Variants in VTI1A observed in about 807,000 individuals in gnomAD.
VTI1A encodes vesicle transport through interaction with t-SNAREs homolog 1A.
Under a neutral mutation model 34.9 loss-of-function variants are expected in VTI1A, and 22 were observed. That is an observed-to-expected ratio of 0.63 (90% CI 0.45 to 0.90). The LOEUF is 0.90. VTI1A is among the 40% of genes least tolerant of loss of function. The pLI is 0.00. For synonymous variants in VTI1A, 87 were observed against 97.3 expected (o/e 0.89, Z 0.62); for missense variants, 268 against 275.6 (o/e 0.97, Z 0.20).
chr10:112,744,789 C>A (rs1262761591), intron 7 of VTI1A, among the ~76,000 whole-genome samples: 1 of 152,114 alleles, frequency 6.6e-6, no homozygotes, highest in Non-Finnish European at 1.5e-5. Flanking sequence ...GCATCGACAT[C>A]CCTCCCTGTC....
At chr10:112,534,087 A>G (rs1326864293) in intron 4 of VTI1A, among the ~76,000 whole-genome samples, 1 of 152,166 alleles carries the variant, frequency 6.6e-6, no homozygotes, top group Non-Finnish European at 1.5e-5. Flanking sequence ...ATACCTAAGA[A>G]TAGCCAAAGC....
intron 3 of VTI1A, among the ~76,000 whole-genome samples, chr10:112,517,119 G>A (rs1242115818): frequency 2.0e-5 from 3 of 152,036 alleles, no homozygotes; most frequent in Admixed American, 1.3e-4. Context: ...GATCGTGAGA[G>A]AAGTTACAAT....
chr10:112,693,967 G>C (rs1342804912), intron 7 of VTI1A, among the ~76,000 whole-genome samples: 1 of 152,176 alleles, frequency 6.6e-6, no homozygotes, highest in African/African-American at 2.4e-5. Context: ...CCAGCACTTT[G>C]GAAGGCCAAG....
chr10:112,731,337 G>C (rs1850249338), intron 7 of VTI1A, among the ~76,000 whole-genome samples: 2 of 152,150 alleles, frequency 1.3e-5, no homozygotes, highest in Non-Finnish European at 2.9e-5. Flanking sequence ...ACTTTGGGAG[G>C]CCAAGGCAGG....
chr10:112,609,601 G>T (rs984191435), intron 5 of VTI1A, among the ~76,000 whole-genome samples: 1 of 152,072 alleles, frequency 6.6e-6, no homozygotes, highest in Non-Finnish European at 1.5e-5. Context: ...CCTTATTTCT[G>T]CATAGAAGCC....
chr10:112,665,575 A>T (rs1221732742), intron 5 of VTI1A, among the ~76,000 whole-genome samples: 1 of 152,006 alleles, frequency 6.6e-6, no homozygotes, highest in East Asian at 1.9e-4. Context: ...AGGCAAGGAG[A>T]TTGTGGGAGT....
At chr10:112,593,320 C>T (rs988793452) in intron 5 of VTI1A, among the ~76,000 whole-genome samples, 4 of 152,176 alleles carry the variant, frequency 2.6e-5, no homozygotes, top group Non-Finnish European at 5.9e-5. Context: ...CTGTGAACAA[C>T]TGCTTTGTGT....
rs1853593374 is a variant in VTI1A, at chr10:112,818,728, C to G, written c.*3345C>G. The G allele has an allele frequency of 5.1e-6, 1 of 196,406 alleles. No individual in the cohort carries two copies. Among genetic ancestry groups the G allele is most frequent in the Admixed American group, 6.1e-5 (1 of 16,420 alleles). The allele number at this position is 196,406 out of a possible 1,614,324, so 12.2% of individuals were successfully genotyped here. A position where few individuals can be genotyped will look rare whatever the true frequency, so the allele number is the denominator to read the frequency against. On this transcript the variant is annotated 3_prime_UTR_variant, in exon 8 of 8. Transcript: ENST00000393077. Reference sequence around the variant, plus strand: ...ACGTTCATTAACAAATTGCATTAAACAACTGTTAAGGGCTAATGATTTGTT... The same window carrying G: ...ACGTTCATTAACAAATTGCATTAAAGAACTGTTAAGGGCTAATGATTTGTT...
rs531572638 is a variant in VTI1A, at chr10:112,543,077, T to C, written c.427+4747T>C. On this transcript the variant is annotated intron_variant, in intron 5 of 7. Coordinates refer to ENST00000393077, the MANE Select transcript of VTI1A (RefSeq NM_145206.4). ...CACATTTTCTTAATCCAGTCTATCATTGATGAACATTTGGGTTCGTTCCAA... is the reference window on the plus strand; with the variant it reads ...CACATTTTCTTAATCCAGTCTATCACTGATGAACATTTGGGTTCGTTCCAA... 3.9e-5 allele frequency among the ~76,000 whole-genome samples: 6 copies of C among 152,380 alleles called. No homozygotes were observed. The South Asian group carries it at 1.2e-3, about 32-fold the overall frequency.
intron 7 of VTI1A, chr10:112,737,487 T>A: frequency 9.5e-7 from 1 of 1,050,442 alleles, no homozygotes; most frequent in South Asian, 4.6e-5. Flanking sequence ...CTCTTCCGCA[T>A]CTTCTGTTCC....
At chr10:112,828,625 T>A in the VTI1A span, among the ~76,000 whole-genome samples, 3 of 151,902 alleles carry the variant, frequency 2.0e-5, no homozygotes, top group Non-Finnish European at 4.4e-5. Flanking sequence ...CAGGATGGTC[T>A]CGATCTCCTG....
the VTI1A span, among the ~76,000 whole-genome samples, chr10:112,851,539 A>G: frequency 3.3e-5 from 5 of 152,336 alleles, no homozygotes; most frequent in African/African-American, 9.6e-5. Flanking sequence ...CTGTTTGGGA[A>G]GTAAGGGGTG....
the VTI1A span, among the ~76,000 whole-genome samples, chr10:112,834,056 C>T: frequency 6.6e-6 from 1 of 152,128 alleles, no homozygotes. Context: ...AACCTCGTTC[C>T]CTTCCCTGCA....
chr10:112,474,794 A>G (rs1357356494), intron 3 of VTI1A, among the ~76,000 whole-genome samples: 1 of 152,164 alleles, frequency 6.6e-6, no homozygotes, highest in Non-Finnish European at 1.5e-5. Context: ...CTCCATTACT[A>G]AGGCTCTGCT....
At chr10:112,686,893 A>G (rs1041012280) in intron 7 of VTI1A, among the ~76,000 whole-genome samples, 2 of 152,200 alleles carry the variant, frequency 1.3e-5, no homozygotes, top group African/African-American at 4.8e-5. Flanking sequence ...ACTCCACCAG[A>G]AGGTGGAATT....
chr10:112,485,257 G>C (rs1050154064), intron 3 of VTI1A: 5 of 151,860 alleles, frequency 3.3e-5, no homozygotes, highest in African/African-American at 1.2e-4. Flanking sequence ...ACTCCAGCCT[G>C]GGCGACAAGA....
chr10:112,725,898 T>G (rs765882922), intron 7 of VTI1A, among the ~76,000 whole-genome samples: 17 of 152,136 alleles, frequency 1.1e-4, no homozygotes, highest in Non-Finnish European at 2.4e-4. Context: ...GTTGCCTCTT[T>G]TGCCTTTTAA....
intron 5 of VTI1A, among the ~76,000 whole-genome samples, chr10:112,570,075 C>T (rs1221716304): frequency 3.3e-5 from 5 of 152,150 alleles, no homozygotes; most frequent in Non-Finnish European, 5.9e-5. Flanking sequence ...TACTGTGTGG[C>T]ATCTCATACA....
chr10:112,634,794 C>G (rs1404187821), intron 5 of VTI1A, among the ~76,000 whole-genome samples: 1 of 152,058 alleles, frequency 6.6e-6, no homozygotes, highest in Non-Finnish European at 1.5e-5. Flanking sequence ...ATATATCTGC[C>G]ATGTTCTAAA....
Sources: allele counts gnomAD v4.1 joint callset (sites outside exome capture counted in the v4.1 genomes callset), GRCh38; gene constraint gnomAD v4.1.1; transcripts MANE v1.5; gene names NCBI Gene and HGNC (gene_info 2026-07-23, HGNC 2026-07-21).